Variants in CFAP299 observed in about 807,000 individuals in gnomAD.
CFAP299 encodes cilia and flagella associated protein 299, also known as cilia- and flagella-associated protein 299.
CFAP299 carries 21 observed loss-of-function variants against 27.0 expected under a neutral mutation model. The observed-to-expected ratio is 0.78, with a 90% CI of 0.55 to 1.12. The LOEUF is 1.12. CFAP299 is among the 50% of genes most tolerant of loss of function. The probability of loss-of-function intolerance (pLI) is 0.00; values close to 1 mark genes in which losing one functional copy is unlikely to be tolerated. For synonymous variants in CFAP299, 104 were observed against 98.1 expected (o/e 1.06, Z -0.36); for missense variants, 310 against 276.6 (o/e 1.12, Z -0.86).
intron 3 of CFAP299, among the ~76,000 whole-genome samples, chr4:80,678,991 T>C (rs1719652708): frequency 6.6e-6 from 1 of 152,046 alleles, no homozygotes. Context: ...TTCTCCCACA[T>C]GTAGATTTGT....
chr4:80,889,598 G>A (rs1734149287), intron 4 of CFAP299, among the ~76,000 whole-genome samples: 1 of 152,016 alleles, frequency 6.6e-6, no homozygotes, highest in South Asian at 2.1e-4. Flanking sequence ...AATAGAGGAA[G>A]ACAGAATACT....
rs904067739 is a variant in CFAP299 at position 80,800,313 on chromosome 4, A to G, written c.334-69680A>G. On this transcript the variant is annotated intron_variant, in intron 3 of 5. Transcript: ENST00000358105. ...TATTAATATATATAATATATAAGAT[A>G]TATGATACATTAATATTAATATATA... Among the ~76,000 whole-genome samples, 132 of 74,578 alleles carry G rather than the reference A, an allele frequency of 1.8e-3. 4 individuals carry two copies. The highest frequency in any genetic ancestry group is 7.4e-3 in the African/African-American group (129 of 17,380). 48.9% of individuals were successfully genotyped at this position (74,578 alleles called of 152,430 possible).
chr4:80,792,494 G>A (rs1284780843), intron 3 of CFAP299, among the ~76,000 whole-genome samples: 1 of 152,058 alleles, frequency 6.6e-6, no homozygotes, highest in Non-Finnish European at 1.5e-5. Context: ...TCAAAACACT[G>A]AGTGAAATCA....
chr4:80,408,729 A>G (rs899474830), intron 2 of CFAP299, among the ~76,000 whole-genome samples: 1 of 151,958 alleles, frequency 6.6e-6, no homozygotes, highest in African/African-American at 2.4e-5. Flanking sequence ...AATGGATAAG[A>G]ATGGTGGACA....
intron 3 of CFAP299, among the ~76,000 whole-genome samples, chr4:80,594,521 C>G (rs1736955687): frequency 6.6e-6 from 1 of 152,120 alleles, no homozygotes. Context: ...TTCTTTCCTC[C>G]TTGCCCTTTC....
intron 3 of CFAP299, among the ~76,000 whole-genome samples, chr4:80,857,806 G>C (rs999259771): frequency 2.0e-4 from 30 of 152,120 alleles, no homozygotes; most frequent in African/African-American, 7.0e-4. Flanking sequence ...GATTTGGTTT[G>C]GCAGTATTTT....
intron 2 of CFAP299, among the ~76,000 whole-genome samples, chr4:80,390,744 T>C (rs1030192138): frequency 9.4e-6 from 1 of 106,238 alleles, no homozygotes. Flanking sequence ...TGTATATATG[T>C]ATATATACAC....
At chr4:80,937,392 C>T (rs1251901630) in intron 4 of CFAP299, among the ~76,000 whole-genome samples, 2 of 136,732 alleles carry the variant, frequency 1.5e-5, no homozygotes, top group African/African-American at 5.7e-5. Context: ...TCACACCTCA[C>T]TCTAGCATCA....
chr4:80,839,052 T>C (rs768949948), intron 3 of CFAP299, among the ~76,000 whole-genome samples: 1 of 152,218 alleles, frequency 6.6e-6, no homozygotes, highest in Non-Finnish European at 1.5e-5. Context: ...GCATACAAGC[T>C]GCACTATTGT....
At chr4:80,770,087 ACTT>A (rs1358780498) in intron 3 of CFAP299, among the ~76,000 whole-genome samples, 4 of 151,964 alleles carry the variant, frequency 2.6e-5, no homozygotes, top group Non-Finnish European at 4.4e-5. Flanking sequence ...GGTCTAACAA[ACTT>A]CTTTCTTTGC....
chr4:80,711,853 G>A (rs1468470927), intron 3 of CFAP299, among the ~76,000 whole-genome samples: 7 of 152,282 alleles, frequency 4.6e-5, no homozygotes, highest in South Asian at 2.1e-4. Context: ...ATGCTTAAGA[G>A]ACATTTCACC....
intron 2 of CFAP299, among the ~76,000 whole-genome samples, chr4:80,553,409 T>C (rs1734623686): frequency 6.6e-6 from 1 of 152,246 alleles, no homozygotes; most frequent in African/African-American, 2.4e-5. Flanking sequence ...CTGTCATTGA[T>C]AGGCATTTAG....
chr4:80,715,526 A>G (rs1226812763), intron 3 of CFAP299, among the ~76,000 whole-genome samples: 2 of 152,048 alleles, frequency 1.3e-5, no homozygotes, highest in Non-Finnish European at 2.9e-5. Flanking sequence ...GAGGGTTGTC[A>G]TAAATATTGC....
chr4:80,660,173 C>A (rs535734338), intron 3 of CFAP299, among the ~76,000 whole-genome samples: 10 of 152,160 alleles, frequency 6.6e-5, no homozygotes, highest in Admixed American at 3.3e-4. Flanking sequence ...GAACAGACAG[C>A]ATGATTTTAC....
Position 80,799,953 on chromosome 4 carries a change from A to T in CFAP299, c.334-70040A>T, listed in dbSNP as rs1282134806. On this transcript the variant is annotated intron_variant, in intron 3 of 5. Coordinates refer to ENST00000358105, the MANE Select transcript of CFAP299 (RefSeq NM_152770.3). ...TTATATATTATATTATATAAATATT[A>T]TATAAATATAATATTTATATAATAT... Among the ~76,000 whole-genome samples, 3 of 55,956 alleles carry T rather than the reference A, an allele frequency of 5.4e-5. No homozygotes were observed. In the South Asian group the frequency reaches 1.8e-3, roughly 34 times the overall value. 36.7% of individuals were successfully genotyped at this position (55,956 alleles called of 152,430 possible).
At chr4:80,499,087 C>G (rs1051674704) in intron 2 of CFAP299, among the ~76,000 whole-genome samples, 1 of 151,980 alleles carries the variant, frequency 6.6e-6, no homozygotes, top group Non-Finnish European at 1.5e-5. Flanking sequence ...GATTCCAGGG[C>G]CTACTTGAGG....
chr4:80,920,072 A>G lies in CFAP299; in HGVS notation c.477-24738A>G, dbSNP rs186901584. Among the ~76,000 whole-genome samples the G allele has an allele frequency of 7.2e-3, 1,094 of 152,246 alleles. 17 individuals are homozygous for G. Among genetic ancestry groups the G allele is most frequent in the Admixed American group, 0.036 (542 of 15,262 alleles). ...GGTACATTCTTCCCACCTCCACTAAAGGATCTCCCATTGAAGTTTTGTCTA... is the reference window on the plus strand; with the variant it reads ...GGTACATTCTTCCCACCTCCACTAAGGGATCTCCCATTGAAGTTTTGTCTA... On this transcript the variant is annotated intron_variant, in intron 4 of 5. Coordinates refer to ENST00000358105, the MANE Select transcript of CFAP299 (RefSeq NM_152770.3).
intron 2 of CFAP299, among the ~76,000 whole-genome samples, chr4:80,430,785 T>G (rs1316582291): frequency 6.6e-6 from 1 of 152,170 alleles, no homozygotes. Flanking sequence ...ATTATTTGCT[T>G]CTCTCTTTCT....
intron 2 of CFAP299, among the ~76,000 whole-genome samples, chr4:80,505,700 C>T (rs928859381): frequency 4.6e-5 from 7 of 152,018 alleles, no homozygotes; most frequent in Admixed American, 2.0e-4. Flanking sequence ...TTGGAAGAGA[C>T]TTTATGCAAA....
Sources: allele counts gnomAD v4.1 joint callset (sites outside exome capture counted in the v4.1 genomes callset), GRCh38; gene constraint gnomAD v4.1.1; transcripts MANE v1.5; gene names NCBI Gene and HGNC (gene_info 2026-07-23, HGNC 2026-07-21).